The following PHF20L1 variants were observed in gnomAD, a reference collection of about 807,000 sequenced individuals.
PHF20L1 encodes PHD finger protein 20 like 1, also known as PHD finger protein 20-like protein 1.
PHF20L1 carries 44 observed loss-of-function variants against 125.5 expected under a neutral mutation model. The ratio of observed to expected loss-of-function variants is 0.35; its 90% CI spans 0.28 to 0.45. PHF20L1 has a LOEUF of 0.45. PHF20L1 is among the 20% of genes least tolerant of loss of function. The probability of loss-of-function intolerance (pLI) is 1.00; values close to 1 mark genes in which losing one functional copy is unlikely to be tolerated. For synonymous variants in PHF20L1, 380 were observed against 403.1 expected, an observed-to-expected ratio of 0.94 and a Z score of 0.69; for missense variants, 1,012 against 1,217.2, an observed-to-expected ratio of 0.83 and a Z score of 2.51.
At chr8:132,822,645 A>G (rs1835730656) in intron 12 of PHF20L1, among the ~76,000 whole-genome samples, 1 of 152,052 alleles carries the variant, frequency 6.6e-6, no homozygotes, top group African/African-American at 2.4e-5. Flanking sequence ...CAGTCTTGCT[A>G]ATAAGAAAAT....
At chr8:132,775,783 G>T (rs1166526298) in intron 1 of PHF20L1, 138 bp downstream of exon 1, 3 of 232,238 alleles carry the variant, frequency 1.3e-5, no homozygotes, top group Non-Finnish European at 2.5e-5. Context: ...CCTATTGTCT[G>T]GGCGCCGCAG....
intron 4 of PHF20L1, among the ~76,000 whole-genome samples, chr8:132,795,591 T>TG (rs1203568927): frequency 6.6e-6 from 1 of 152,098 alleles, no homozygotes; most frequent in Non-Finnish European, 1.5e-5. Flanking sequence ...TTGGAATACT[T>TG]GCACGTGTTT....
intron 2 of PHF20L1, among the ~76,000 whole-genome samples, chr8:132,788,284 T>G (rs2131383807): frequency 6.6e-6 from 1 of 152,252 alleles, no homozygotes; most frequent in South Asian, 2.1e-4. Context: ...ATTTCTAAAT[T>G]TACATGAATT....
chr8:132,779,324 A>G (rs1406665706), intron 2 of PHF20L1, among the ~76,000 whole-genome samples: 3 of 152,212 alleles, frequency 2.0e-5, no homozygotes, highest in Non-Finnish European at 4.4e-5. Flanking sequence ...GGGTGGCGGT[A>G]AAAATGATTG....
intron 6 of PHF20L1, 106 bp downstream of exon 6, chr8:132,799,278 T>G (rs1832766268): frequency 3.2e-6 from 2 of 621,140 alleles, no homozygotes; most frequent in East Asian, 2.8e-5. Flanking sequence ...GTTCTTATCT[T>G]CTTCTTTCCT....
rs1838434151 is a variant in PHF20L1 at position 132,846,570 on chromosome 8, T to G, written c.*647T>G. On this transcript the variant is annotated 3_prime_UTR_variant, in exon 21 of 21. Coordinates refer to ENST00000395386, the MANE Select transcript of PHF20L1 (RefSeq NM_016018.5). ...TATTTAAAAAACAAACACCAAATAA[T>G]TGGAATATATTGCAGGCATTAAGCT... 1.3e-5 allele frequency: 2 copies of G among 152,490 alleles called. No homozygotes were observed. Among genetic ancestry groups the G allele is most frequent in the African/African-American group, 4.8e-5 (2 of 41,418 alleles). 9.4% of individuals were successfully genotyped at this position (152,490 alleles called of 1,614,324 possible).
chr8:132,833,230 TCTG>T (rs1836968489), intron 15 of PHF20L1, among the ~76,000 whole-genome samples: 1 of 152,082 alleles, frequency 6.6e-6, no homozygotes, highest in Non-Finnish European at 1.5e-5. Flanking sequence ...TTTTCTTTCT[TCTG>T]ACTGACCTCG....
Position 132,817,510 on chromosome 8 carries a change from C to G in PHF20L1, c.1544C>G (p.Ala515Gly). 6.2e-7 allele frequency: 1 copy of G among 1,611,642 alleles called. No homozygotes were observed. The highest frequency in any genetic ancestry group is 8.5e-7 in the Non-Finnish European group (1 of 1,178,842). Residue 515 changes from alanine to glycine, a missense_variant, in exon 12 of 21, where the codon GCA (alanine) becomes GGA (glycine). Ala to Gly is a moderately conservative substitution (Grantham distance 60, BLOSUM62 0). Around this residue, in one of 7 missense-constraint regions of PHF20L1, gnomAD observed 320 missense variants for 293.8 expected, o/e 1.09. Transcript: ENST00000395386. ...ATGCTTCCAAATCCTTCTTCCAAAG[C>G]AATAGCTGATGGAAGAGGAGCTCCA... ...TQMLPNPSSK[A>G]IADGRGAPAA...
intron 20 of PHF20L1, 142 bp from the exon 21 acceptor site, chr8:132,845,639 G>A (rs1230297760): frequency 4.8e-6 from 3 of 624,608 alleles, no homozygotes; most frequent in Non-Finnish European, 8.6e-6. Flanking sequence ...TAACCTCTCG[G>A]AAATGTCTTG....
rs528026514 is a variant in PHF20L1 at position 132,835,079 on chromosome 8, G to A, written c.1910-1461G>A. 6.2e-4 allele frequency among the ~76,000 whole-genome samples: 95 copies of A among 152,088 alleles called. No homozygotes were observed. In the Middle Eastern group the frequency reaches 0.017, roughly 27 times the overall value. ...TTAAAGTTCAAATCTGTTCAACTTC[G>A]GTCCCATCTGATTAAGTCTGAAAAG... On this transcript the variant is annotated intron_variant, in intron 15 of 20. Transcript: ENST00000395386.
rs975745095 is a variant in PHF20L1, at chr8:132,794,811, A to C, written c.334A>C (p.Lys112Gln). Residue 112 changes from lysine to glutamine, a missense_variant, in exon 4 of 21, where the codon AAA becomes CAA. Physicochemically the swap from Lys to Gln is moderately conservative, Grantham distance 53. This residue lies in a region of PHF20L1 where 94 missense variants were observed against 179.5 expected (regional missense o/e 0.52). Coordinates refer to ENST00000395386, the MANE Select transcript of PHF20L1 (RefSeq NM_016018.5). Reference protein sequence around the residue: ...YYPAKIEAINKEGTFTVQFYD... With the variant: ...YYPAKIEAINQEGTFTVQFYD... ...CCCTGCCAAGATTGAAGCAATTAAC[A>C]AAGAAGGTATGTGTTTGAAATGATC... The C allele has an allele frequency of 2.2e-5, 35 of 1,601,960 alleles. No homozygotes were observed. The highest frequency in any genetic ancestry group is 4.0e-5 in the African/African-American group (3 of 74,636).
At chr8:132,831,132 G>C (rs1836730691) in intron 14 of PHF20L1, among the ~76,000 whole-genome samples, 2 of 151,974 alleles carry the variant, frequency 1.3e-5, no homozygotes, top group Non-Finnish European at 2.9e-5. Context: ...TCCACAGCTA[G>C]AGTGATCCTC....
At chr8:132,781,630 G>T (rs1237692726) in intron 2 of PHF20L1, among the ~76,000 whole-genome samples, 1 of 151,910 alleles carries the variant, frequency 6.6e-6, no homozygotes. Context: ...ATGGGGTTTC[G>T]CCATGTTGTC....
rs370897409 is a variant in PHF20L1, at chr8:132,825,249, A to G, written c.1637-15A>G. 6.0e-5 allele frequency: 96 copies of G among 1,594,882 alleles called. No individual in the cohort carries two copies. In the African/African-American group the frequency reaches 1.1e-3, roughly 19 times the overall value. On this transcript the variant is annotated splice_polypyrimidine_tract_variant and intron_variant, in intron 13 of 20. Coordinates refer to ENST00000395386, the MANE Select transcript of PHF20L1 (RefSeq NM_016018.5). ...ATCAGTCGTGATTGCTAAAGTATTC[A>G]CTTTTATCTTTTAGGTAAGAGAAAA... is the stretch of plus-strand genomic sequence containing the variant.
At chr8:132,801,130 G>A (rs1467752342) in intron 6 of PHF20L1, among the ~76,000 whole-genome samples, 1 of 151,584 alleles carries the variant, frequency 6.6e-6, no homozygotes, top group Non-Finnish European at 1.5e-5. Flanking sequence ...GAGAGATTGA[G>A]CCATTATATT....
At chr8:132,796,678 G>C (rs1019120767) in intron 4 of PHF20L1, among the ~76,000 whole-genome samples, 23 of 152,040 alleles carry the variant, frequency 1.5e-4, no homozygotes, top group Admixed American at 1.1e-3. Context: ...AGTGGGCCCT[G>C]TATTTCCCTG....
intron 8 of PHF20L1, among the ~76,000 whole-genome samples, chr8:132,805,683 T>C (rs898380389): frequency 1.3e-5 from 2 of 151,916 alleles, no homozygotes; most frequent in African/African-American, 2.4e-5. Flanking sequence ...AACTAAACAT[T>C]TTGACCATTT....
At position 132,846,695 on chromosome 8, in the gene PHF20L1, A is replaced by G. The variant is rs1838442459; in HGVS notation, c.*772A>G. Reference sequence around the variant, plus strand: ...AATATTGTGGGAGTTCTCCCACCCTAAGTCTTACATAATGCCACCAGTCCA... The same window carrying G: ...AATATTGTGGGAGTTCTCCCACCCTGAGTCTTACATAATGCCACCAGTCCA... On this transcript the variant is annotated 3_prime_UTR_variant, in exon 21 of 21. Transcript: ENST00000395386. The G allele has an allele frequency of 6.6e-6, 1 of 152,442 alleles. No homozygotes were observed. The allele number at this position is 152,442 out of a possible 1,614,324, so 9.4% of individuals were successfully genotyped here. A position where few individuals can be genotyped will look rare whatever the true frequency, so the allele number is the denominator to read the frequency against.
Position 132,793,633 on chromosome 8 carries a change from G to A in PHF20L1, c.84-777G>A, listed in dbSNP as rs185971970. Among the ~76,000 whole-genome samples the A allele has an allele frequency of 1.5e-4, 23 of 152,234 alleles. No individual in the cohort carries two copies. In the East Asian group the frequency reaches 3.9e-3, roughly 26 times the overall value. On this transcript the variant is annotated intron_variant, in intron 2 of 20. Transcript: ENST00000395386. ...TTTAATACAGTACATTAAGAATGACGAAGCAACTTTCCTTGTAAAAGATTT... is the reference window on the plus strand; with the variant it reads ...TTTAATACAGTACATTAAGAATGACAAAGCAACTTTCCTTGTAAAAGATTT...
Sources: allele counts gnomAD v4.1 joint callset (sites outside exome capture counted in the v4.1 genomes callset), GRCh38; gene constraint gnomAD v4.1.1; regional missense constraint gnomAD v4.1.1; transcripts MANE v1.5; gene names NCBI Gene and HGNC (gene_info 2026-07-23, HGNC 2026-07-21).